The following GPR143 variants were observed in gnomAD, a reference collection of about 807,000 sequenced individuals.
GPR143 encodes the protein G protein-coupled receptor 143.
GPR143 carries 8 observed loss-of-function variants against 27.6 expected under a neutral mutation model. The ratio of observed to expected loss-of-function variants is 0.29; its 90% confidence interval spans 0.17 to 0.52. The LOEUF is 0.52. Among genes scored for constraint, GPR143 ranks in the 20% least tolerant of loss-of-function variants. GPR143 has a pLI of 0.96. For missense variants in GPR143, 303 were observed against 343.1 expected, an observed-to-expected ratio of 0.88 and a Z score of 0.92; for synonymous variants, 156 against 153.2, an observed-to-expected ratio of 1.02 and a Z score of -0.13.
chrX:9,734,022 G>A (rs1236070791), intron 8 of GPR143, among the ~76,000 whole-genome samples: 1 of 105,541 alleles, frequency 9.5e-6, no homozygotes, highest in Non-Finnish European at 1.9e-5. Context: ...AGAGGTTGTG[G>A]TGAGCTTAGA....
intron 3 of GPR143, among the ~76,000 whole-genome samples, chrX:9,753,102 G>A (rs926914348): frequency 2.7e-5 from 3 of 111,762 alleles, no homozygotes; most frequent in Non-Finnish European, 3.8e-5. Flanking sequence ...AAGGCCGGGC[G>A]CAGTGGCTCA....
intron 3 of GPR143, 52 bp downstream of exon 3, chrX:9,759,280 T>C: frequency 1.3e-6 from 1 of 773,239 alleles, no homozygotes; most frequent in Admixed American, 2.6e-5. Flanking sequence ...CCATCTCTTA[T>C]CTTCCCTCTA....
At chrX:9,733,914 T>C (rs2083366753) in intron 8 of GPR143, among the ~76,000 whole-genome samples, 1 of 110,155 alleles carries the variant, frequency 9.1e-6, no homozygotes, top group South Asian at 3.9e-4. Context: ...ACTCCGTCTC[T>C]ACTAAAAATA....
At chrX:9,761,239 A>G (rs982333176) in intron 1 of GPR143, among the ~76,000 whole-genome samples, 5 of 111,085 alleles carry the variant, frequency 4.5e-5, no homozygotes, top group African/African-American at 1.6e-4. Context: ...GATTACAGGC[A>G]CCCACAACCA....
At chrX:9,746,365 T>C (rs2083428540) in intron 4 of GPR143, among the ~76,000 whole-genome samples, 1 of 111,046 alleles carries the variant, frequency 9.0e-6, no homozygotes, top group African/African-American at 3.3e-5. Flanking sequence ...TGTTTCTGTC[T>C]CAGAAATGGG....
At chrX:9,775,417 G>A (rs2083567980) in intron 1 of GPR143, among the ~76,000 whole-genome samples, 1 of 112,073 alleles carries the variant, frequency 8.9e-6, no homozygotes, top group South Asian at 3.7e-4. Flanking sequence ...GTACTGAGAA[G>A]AGGAAAGTTC....
chrX:9,748,673 G>T lies in GPR143; in HGVS notation c.456-7C>A. 2.6e-6 allele frequency: 3 copies of T among 1,162,908 alleles called. No homozygotes were observed. The East Asian group carries it at 8.9e-5, about 35-fold the overall frequency. On this transcript the variant is annotated splice_polypyrimidine_tract_variant and splice_region_variant and intron_variant, in intron 3 of 8. Coordinates refer to ENST00000467482, the MANE Select transcript of GPR143 (RefSeq NM_000273.3). ...GTGATACAGCAGGATGGTGCTAGGGGACAAGCACAACAGCAGCCACAGCTC... is the reference window on the plus strand; with the variant it reads ...GTGATACAGCAGGATGGTGCTAGGGTACAAGCACAACAGCAGCCACAGCTC...
At chrX:9,765,864 C>A, upstream of GPR143, 2 of 1,025,290 alleles carry the variant, frequency 2.0e-6, no homozygotes, top group Non-Finnish European at 2.5e-6. Flanking sequence ...ACCCCGCCGG[C>A]CTGCCTGGGT....
At position 9,765,602 on chromosome X, in the gene GPR143, G is replaced by C; in HGVS notation, c.216C>G (p.Arg72=). The change falls in exon 1 of 9, where the codon CGC becomes CGG. Residue 72 remains arginine, a synonymous_variant. Coordinates refer to ENST00000467482, the MANE Select transcript of GPR143 (RefSeq NM_000273.3). ...CGAGAAGGTCGCAGGCAGCGGCAGCGCGCAGGATGCGGACCGAGGCCGGCG... is the reference window on the plus strand; with the variant it reads ...CGAGAAGGTCGCAGGCAGCGGCAGCCCGCAGGATGCGGACCGAGGCCGGCG... The part of the protein sequence containing the change: ...TSPPASVRIL[R]AAAACDLLGC... 1 of 1,042,052 alleles carries C rather than the reference G, an allele frequency of 9.6e-7. No homozygotes were observed. Among genetic ancestry groups the C allele is most frequent in the East Asian group, 4.1e-5 (1 of 24,129 alleles). The allele number at this position is 1,042,052 out of a possible 1,213,427, so 85.9% of individuals were successfully genotyped here.
chrX:9,725,679 A>G lies in GPR143; in HGVS notation c.*67T>C. On this transcript the variant is annotated 3_prime_UTR_variant, in exon 9 of 9. Coordinates refer to ENST00000467482, the MANE Select transcript of GPR143 (RefSeq NM_000273.3). Reference sequence around the variant, plus strand: ...AGTGCAGTGTTGGGAAGGTGAGAACACAGTTCTAAAGAACAAGAATTGTTG... The same window carrying G: ...AGTGCAGTGTTGGGAAGGTGAGAACGCAGTTCTAAAGAACAAGAATTGTTG... The G allele has an allele frequency of 1.2e-6, 1 of 843,671 alleles. No individual in the cohort carries two copies. Among genetic ancestry groups the G allele is most frequent in the Non-Finnish European group, 1.8e-6 (1 of 567,941 alleles). The allele number at this position is 843,671 out of a possible 1,213,427, so 69.5% of individuals were successfully genotyped here.
rs182696387 is a variant in GPR143, at chrX:9,771,882, G to A, written c.-2-11056C>T. Among the ~76,000 whole-genome samples the A allele has an allele frequency of 4.8e-4, 52 of 109,323 alleles. 2 individuals are homozygous for A. The East Asian group carries it at 0.015, about 31-fold the overall frequency. The allele number at this position is 109,323 out of a possible 115,157, so 94.9% of individuals were successfully genotyped here. ...CGTGCCACCACCCCTGGCTAACTTT[G>A]GTATTTTTAGTAGAGGTAGGGTTTC... On this transcript the variant is annotated intron_variant, in intron 1 of 7. Transcript: ENST00000447366.
intron 3 of GPR143, among the ~76,000 whole-genome samples, chrX:9,756,666 A>G (rs1448676381): frequency 8.9e-6 from 1 of 112,813 alleles, no homozygotes; most frequent in Non-Finnish European, 1.9e-5. Context: ...CATCAGTGAA[A>G]TCAAAACCAT....
intron 3 of GPR143, among the ~76,000 whole-genome samples, chrX:9,754,878 C>T (rs1251189900): frequency 9.0e-6 from 1 of 111,659 alleles, no homozygotes; most frequent in South Asian, 3.7e-4. Context: ...GCTTCTTCTA[C>T]CCATAACTGG....
chrX:9,762,262 C>T (rs1206711529), intron 1 of GPR143, among the ~76,000 whole-genome samples: 1 of 109,619 alleles, frequency 9.1e-6, no homozygotes, highest in African/African-American at 3.3e-5. Context: ...CGGTGGTGGG[C>T]ACCTATAATC....
rs937015618 is a variant in GPR143 at position 9,735,711 on chromosome X, C to T, written c.1120+3774G>A. Among the ~76,000 whole-genome samples the T allele has an allele frequency of 3.6e-5, 4 of 111,949 alleles. No individual in the cohort carries two copies. In the Admixed American group the frequency reaches 3.8e-4, roughly 11 times the overall value. On this transcript the variant is annotated intron_variant, in intron 8 of 8. Transcript: ENST00000467482. ...TGAAGTACCTAGTAAGTTCCAGACA[C>T]CATATCAGATACTTAATAAAGCTCC...
At chrX:9,725,980 CAAA>C (rs35066814) in intron 8 of GPR143, 140 bp from the exon 9 acceptor site, 8,370 of 341,401 alleles carry the variant, frequency 0.025, no homozygotes, top group Non-Finnish European at 0.026. Flanking sequence ...ATCTCATCTG[CAAA>C]AAAAAAAAAA....
chrX:9,740,726 A>G (rs2083399158), intron 7 of GPR143: 2 of 292,277 alleles, frequency 6.8e-6, no homozygotes, highest in Non-Finnish European at 1.2e-5. Context: ...ATGAAAGACC[A>G]TAATTTACTT....
chrX:9,761,465 T>G (rs1487384426), intron 1 of GPR143, among the ~76,000 whole-genome samples: 2 of 112,492 alleles, frequency 1.8e-5, no homozygotes, highest in Non-Finnish European at 3.7e-5. Context: ...GGCCACAGTC[T>G]CATCCCTATT....
Position 9,765,035 on chromosome X carries a change from A to C in GPR143, c.250+533T>G, listed in dbSNP as rs1301342657. Among the ~76,000 whole-genome samples the C allele has an allele frequency of 2.7e-5, 3 of 109,327 alleles. No homozygotes were observed. The Admixed American group carries it at 2.9e-4, about 11-fold the overall frequency. The allele number at this position is 109,327 out of a possible 115,157, so 94.9% of individuals were successfully genotyped here. ...CAAGACTCCGTCTCAAAAAAAAAAA[A>C]AAAAATTACCTAGTTGTCCCATCCG... On this transcript the variant is annotated intron_variant, in intron 1 of 8. Transcript: ENST00000467482.
Sources: gnomAD v4.1 joint callset for allele counts (sites outside exome capture counted in the v4.1 genomes callset) on GRCh38, gnomAD v4.1.1 for gene constraint, MANE v1.5 for transcripts, NCBI Gene and HGNC (gene_info 2026-07-23, HGNC 2026-07-21) for gene names.